Variants in MPDZ observed in about 807,000 individuals in gnomAD.
MPDZ encodes the protein multiple PDZ domain protein.
A neutral mutation model predicts 239.1 loss-of-function variants in MPDZ; 234 were observed. The observed-to-expected ratio is 0.98, with a 90% CI of 0.88 to 1.09. The LOEUF is 1.09. MPDZ is among the 50% of genes least tolerant of loss of function. The pLI is 0.00. For synonymous variants in MPDZ, 1,048 were observed against 881.3 expected (o/e 1.19, Z -3.35); for missense variants, 3,175 against 2,510.0 (o/e 1.26, Z -5.66).
rs1563803484 is a variant in MPDZ at position 13,106,980 on chromosome 9, C to G, written c.6198G>C (p.Leu2066Phe). 1.2e-6 allele frequency: 2 copies of G among 1,613,474 alleles called. No homozygotes were observed. Among genetic ancestry groups the G allele is most frequent in the Non-Finnish European group, 1.7e-6 (2 of 1,179,606 alleles). The change falls in exon 47 of 47, where the codon TTG becomes TTC. Residue 2066 changes from leucine (L) to phenylalanine (F), a missense_variant. Physicochemically the swap from Leu to Phe is conservative, Grantham distance 22. Transcript: ENST00000319217. Reference sequence around the variant, plus strand: ...GGCAGCCAATTCAAGAGAGAACCATCAAAGTGACAGTGCCTTTTGTCCGTT... The same window carrying G: ...GGCAGCCAATTCAAGAGAGAACCATGAAAGTGACAGTGCCTTTTGTCCGTT... ...ILKRTKGTVT[L>F]MVLS
intron 10 of MPDZ, among the ~76,000 whole-genome samples, chr9:13,208,272 T>A (rs1957214085): frequency 6.6e-6 from 1 of 152,086 alleles, no homozygotes; most frequent in African/African-American, 2.4e-5. Flanking sequence ...GCTGAAACCC[T>A]GTCTCTATAA....
At chr9:13,181,517 C>A (rs528500992) in intron 19 of MPDZ, among the ~76,000 whole-genome samples, 1 of 152,240 alleles carries the variant, frequency 6.6e-6, no homozygotes, top group South Asian at 2.1e-4. Context: ...ACTAAAAGCA[C>A]ACAGGAGTTT....
chr9:13,176,844 T>C (rs1041004598), intron 19 of MPDZ, among the ~76,000 whole-genome samples: 2 of 152,134 alleles, frequency 1.3e-5, no homozygotes, highest in African/African-American at 2.4e-5. Flanking sequence ...ACATAAAAAG[T>C]ATGACATTAA....
At position 13,236,958 on chromosome 9, in the gene MPDZ, T is replaced by C. The variant is rs544522864; in HGVS notation, c.183+10677A>G. Among the ~76,000 whole-genome samples the C allele has an allele frequency of 2.0e-5, 3 of 152,224 alleles. No individual in the cohort carries two copies. In the South Asian group the frequency reaches 6.2e-4, roughly 32 times the overall value. ...TTAATAGTATCTTTATTTCTTATTATTGTTACTGGGTGGATAGAATTGTCC... is the reference window on the plus strand; with the variant it reads ...TTAATAGTATCTTTATTTCTTATTACTGTTACTGGGTGGATAGAATTGTCC... On this transcript the variant is annotated intron_variant, in intron 3 of 46. Transcript: ENST00000319217.
In MPDZ at chr9:13,168,434, G is replaced by A; in HGVS notation, c.3186C>T (p.Thr1062=). The A allele has an allele frequency of 1.2e-6, 2 of 1,613,488 alleles. No homozygotes were observed. The highest frequency in any genetic ancestry group is 1.1e-5 in the South Asian group (1 of 91,070). Reference sequence around the variant, plus strand: ...GTGCCTGGGCATTGGTTACACTGATGGTAGACTCTTCATTAATGGACAAGA... The same window carrying A: ...GTGCCTGGGCATTGGTTACACTGATAGTAGACTCTTCATTAATGGACAAGA... ...DCILSINEES[T]ISVTNAQARA... Residue 1062 remains threonine, a synonymous_variant, in exon 22 of 47, where the codon ACC becomes ACT. Transcript: ENST00000319217.
intron 1 of MPDZ, 118 bp from the exon 2 acceptor site, chr9:13,250,490 T>C (rs1284185567): frequency 3.4e-6 from 2 of 587,206 alleles, no homozygotes; most frequent in Non-Finnish European, 5.9e-6. Context: ...ATCTTGTTGA[T>C]ACAACTTAAG....
At chr9:13,121,437 G>A (rs563010583) in intron 38 of MPDZ, among the ~76,000 whole-genome samples, 56 of 152,304 alleles carry the variant, frequency 3.7e-4, no homozygotes, top group Admixed American at 8.5e-4. Context: ...AGTTTTTGGA[G>A]TTCAGGAACC....
rs1421159255 is a variant in MPDZ at position 13,105,782 on chromosome 9, G to A, written c.*1183C>T. 1 of 152,048 alleles carries A rather than the reference G, an allele frequency of 6.6e-6. No homozygotes were observed. Among genetic ancestry groups the A allele is most frequent in the African/African-American group, 2.4e-5 (1 of 41,404 alleles). The allele number at this position is 152,048 out of a possible 1,614,324, so 9.4% of individuals were successfully genotyped here. On this transcript the variant is annotated 3_prime_UTR_variant, in exon 47 of 47. Coordinates refer to ENST00000319217, the MANE Select transcript of MPDZ (RefSeq NM_001378778.1). ...ACAAAAATGCTGTAATAAAATATCT[G>A]TACACTACTTCTGTTACAAATATAG...
Position 13,143,581 on chromosome 9 carries a change from G to C in MPDZ, c.3742-17C>G, listed in dbSNP as rs748808913. ...AGGGGATTTCTAAAAGGAAACATAA[G>C]AGGCGCTGAACGCAAAGGAAATGTA... On this transcript the variant is annotated splice_polypyrimidine_tract_variant and intron_variant, in intron 26 of 46. Coordinates refer to ENST00000319217, the MANE Select transcript of MPDZ (RefSeq NM_001378778.1). 2 of 1,597,368 alleles carry C rather than the reference G, an allele frequency of 1.3e-6. No individual in the cohort carries two copies. The highest frequency in any genetic ancestry group is 1.7e-6 in the Non-Finnish European group (2 of 1,165,096).
At chr9:13,210,266 G>C (rs1957462674) in intron 10 of MPDZ, among the ~76,000 whole-genome samples, 1 of 152,074 alleles carries the variant, frequency 6.6e-6, no homozygotes, top group African/African-American at 2.4e-5. Flanking sequence ...AATTGTGCTT[G>C]AGATGCTATG....
At chr9:13,191,402 T>G (rs1296062542) in intron 15 of MPDZ, among the ~76,000 whole-genome samples, 1 of 152,174 alleles carries the variant, frequency 6.6e-6, no homozygotes, top group Non-Finnish European at 1.5e-5. Flanking sequence ...TGCAAAGTCC[T>G]AATCCTAACT....
In MPDZ at chr9:13,106,868, C is replaced by G; in HGVS notation, c.*97G>C. On this transcript the variant is annotated 3_prime_UTR_variant, in exon 47 of 47. Transcript: ENST00000319217. Reference sequence around the variant, plus strand: ...ATTTCCCCCCTACAGTTTTGAAGACCCGGCTGAACACAGCATAAAAATTGT... The same window carrying G: ...ATTTCCCCCCTACAGTTTTGAAGACGCGGCTGAACACAGCATAAAAATTGT... 6 of 1,361,482 alleles carry G rather than the reference C, an allele frequency of 4.4e-6. No individual in the cohort carries two copies. The highest frequency in any genetic ancestry group is 6.0e-6 in the Non-Finnish European group (6 of 994,986). 84.3% of individuals were successfully genotyped at this position (1,361,482 alleles called of 1,614,324 possible).
At chr9:13,185,709 G>T (rs948942788) in intron 18 of MPDZ, among the ~76,000 whole-genome samples, 6 of 151,874 alleles carry the variant, frequency 4.0e-5, no homozygotes, top group African/African-American at 1.5e-4. Flanking sequence ...TTATTCCAAT[G>T]GATACTATTT....
intron 32 of MPDZ, among the ~76,000 whole-genome samples, chr9:13,127,902 G>A (rs573460362): frequency 1.3e-5 from 2 of 152,222 alleles, no homozygotes; most frequent in African/African-American, 2.4e-5. Flanking sequence ...TCTTACCTAC[G>A]AAATCTAGAT....
chr9:13,179,732 A>T lies in MPDZ; in HGVS notation c.2650-3315T>A, dbSNP rs183083858. Among the ~76,000 whole-genome samples the T allele has an allele frequency of 3.9e-4, 59 of 152,304 alleles. 1 individual carries two copies. Among genetic ancestry groups the T allele is most frequent in the African/African-American group, 1.1e-3 (44 of 41,582 alleles). ...ATATTCTTGTCCTCAGTAAAAAATT[A>T]AAAAAGGTTAAATTAAAATGTCAAA... On this transcript the variant is annotated intron_variant, in intron 19 of 46. Transcript: ENST00000319217.
chr9:13,170,395 C>A (rs558683049), intron 21 of MPDZ, among the ~76,000 whole-genome samples: 1 of 152,062 alleles, frequency 6.6e-6, no homozygotes, highest in Non-Finnish European at 1.5e-5. Context: ...TTAAAATATT[C>A]TGTTAAGACT....
intron 31 of MPDZ, 38 bp downstream of exon 31, chr9:13,136,054 C>T (rs547893665): frequency 1.0e-5 from 14 of 1,335,868 alleles, no homozygotes; most frequent in African/African-American, 2.9e-5. Flanking sequence ...TCACATCAAT[C>T]AAGTCTTCCC....
intron 3 of MPDZ, among the ~76,000 whole-genome samples, chr9:13,229,512 G>A (rs1467583826): frequency 6.9e-6 from 1 of 145,156 alleles, no homozygotes; most frequent in Non-Finnish European, 1.5e-5. Flanking sequence ...TTAACAAGAT[G>A]ATTTAAAAAA....
Position 13,224,418 on chromosome 9 carries a change from G to C in MPDZ, c.349C>G (p.Pro117Ala), listed in dbSNP as rs180982068. Residue 117 changes from proline (P) to alanine (A), a missense_variant, in exon 4 of 47, where the codon CCT becomes GCT. Transcript: ENST00000319217. The stretch of plus-strand genomic sequence containing the variant: ...AGCTGATCAAATTCATCACAAGCAG[G>C]TTTCCCATTAATGTGTGGAATACCA... ...GPGIPHINGK[P>A]ACDEFDQLIK... The C allele has an allele frequency of 1.7e-4, 270 of 1,612,690 alleles. 1 individual carries two copies. The South Asian group carries it at 2.8e-3, about 17-fold the overall frequency.
Sources: allele counts gnomAD v4.1 joint callset (sites outside exome capture counted in the v4.1 genomes callset), GRCh38; gene constraint gnomAD v4.1.1; transcripts MANE v1.5; gene names NCBI Gene and HGNC (gene_info 2026-07-23, HGNC 2026-07-21).